DACH1: variants seen among roughly 807,000 people sequenced by gnomAD.
DACH1 encodes the protein dachshund homolog 1.
Under a neutral mutation model 54.2 loss-of-function variants are expected in DACH1, and 12 were observed. That is an observed-to-expected ratio of 0.22 (90% CI 0.14 to 0.36). The LOEUF (loss-of-function observed/expected upper bound fraction) is 0.36, where lower values mean the gene tolerates loss of function less well. DACH1 is among the 10% of genes least tolerant of loss of function. DACH1 has a pLI of 1.00. For missense variants in DACH1, 805 were observed against 929.8 expected (o/e 0.87, Z 1.75); for synonymous variants, 386 against 366.2 (o/e 1.05, Z -0.62).
intron 3 of DACH1, among the ~76,000 whole-genome samples, chr13:71,601,533 ATACAT>A (rs1874495375): frequency 6.6e-6 from 1 of 152,044 alleles, no homozygotes; most frequent in Non-Finnish European, 1.5e-5. Context: ...GTGAAGTAGA[ATACAT>A]TTCTGTATTC....
At chr13:71,802,403 T>C (rs1280994555) in intron 1 of DACH1, among the ~76,000 whole-genome samples, 1 of 152,074 alleles carries the variant, frequency 6.6e-6, no homozygotes, top group Non-Finnish European at 1.5e-5. Context: ...TTTGAATCAT[T>C]ATTAATTTAT....
intron 2 of DACH1, among the ~76,000 whole-genome samples, chr13:71,677,724 T>C (rs1272434886): frequency 3.9e-5 from 6 of 152,058 alleles, no homozygotes; most frequent in African/African-American, 1.4e-4. Context: ...TGGTTTTTTG[T>C]TTTGTTTTGT....
At chr13:71,581,496 C>A (rs1039817010) in intron 3 of DACH1, among the ~76,000 whole-genome samples, 8 of 152,176 alleles carry the variant, frequency 5.3e-5, no homozygotes, top group African/African-American at 1.9e-4. Context: ...ACCTCGTGAT[C>A]TGCCGCCTCG....
At chr13:71,807,846 T>C (rs1255640426) in intron 1 of DACH1, among the ~76,000 whole-genome samples, 2 of 152,210 alleles carry the variant, frequency 1.3e-5, no homozygotes, top group African/African-American at 2.4e-5. Flanking sequence ...AAATTTTCTA[T>C]GTCCAATTGA....
chr13:71,471,660 G>A (rs1373318218), intron 10 of DACH1, among the ~76,000 whole-genome samples: 1 of 151,822 alleles, frequency 6.6e-6, no homozygotes, highest in South Asian at 2.1e-4. Context: ...GCTGAGGCAG[G>A]AGAATCGCTT....
intron 3 of DACH1, among the ~76,000 whole-genome samples, chr13:71,604,136 A>G (rs1172566120): frequency 1.3e-5 from 2 of 151,982 alleles, no homozygotes; most frequent in Admixed American, 1.3e-4. Flanking sequence ...GAATAATAAA[A>G]TGCAATATAA....
chr13:71,602,473 T>C (rs1176481865), intron 3 of DACH1, among the ~76,000 whole-genome samples: 1 of 152,004 alleles, frequency 6.6e-6, no homozygotes, highest in Non-Finnish European at 1.5e-5. Flanking sequence ...TTGCCTTCTG[T>C]TTCTCTAATC....
chr13:71,545,709 C>A (rs1883423700), intron 6 of DACH1, among the ~76,000 whole-genome samples: 1 of 151,956 alleles, frequency 6.6e-6, no homozygotes, highest in Non-Finnish European at 1.5e-5. Context: ...CAAAATAATT[C>A]ATTTGTGCTG....
chr13:71,514,090 TAA>T (rs1880982571), intron 6 of DACH1, among the ~76,000 whole-genome samples: 2 of 152,056 alleles, frequency 1.3e-5, no homozygotes, highest in African/African-American at 4.8e-5. Flanking sequence ...ATATTAAAAA[TAA>T]AAAGTCCATT....
chr13:71,808,623 G>A (rs1420618848), intron 1 of DACH1, among the ~76,000 whole-genome samples: 1 of 152,086 alleles, frequency 6.6e-6, no homozygotes, highest in East Asian at 1.9e-4. Context: ...AGGTCATTTG[G>A]TCATTGATTT....
At chr13:71,496,316 A>C (rs1186101356) in intron 6 of DACH1, among the ~76,000 whole-genome samples, 190 of 117,336 alleles carry the variant, frequency 1.6e-3, no homozygotes, top group African/African-American at 5.2e-3. Flanking sequence ...TACACACACA[A>C]AAAGATATGC....
At chr13:71,629,420 G>A (rs1876913222) in intron 3 of DACH1, among the ~76,000 whole-genome samples, 1 of 152,020 alleles carries the variant, frequency 6.6e-6, no homozygotes, top group Admixed American at 6.6e-5. Context: ...CTGAAAAGAT[G>A]CATTTTTCCC....
At chr13:71,645,702 T>C (rs1878216661) in intron 2 of DACH1, among the ~76,000 whole-genome samples, 1 of 152,196 alleles carries the variant, frequency 6.6e-6, no homozygotes, top group African/African-American at 2.4e-5. Context: ...AATTGTAACA[T>C]TGTGAAACTA....
At chr13:71,445,108 T>C (rs1407654114) in intron 10 of DACH1, among the ~76,000 whole-genome samples, 2 of 152,138 alleles carry the variant, frequency 1.3e-5, no homozygotes, top group Non-Finnish European at 2.9e-5. Context: ...GCTGCCTCTT[T>C]CTGCCAGTAT....
chr13:71,751,108 G>A (rs1293104823), intron 1 of DACH1, among the ~76,000 whole-genome samples: 2 of 152,158 alleles, frequency 1.3e-5, no homozygotes, highest in South Asian at 2.1e-4. Context: ...TATGGAAGGA[G>A]GTTACAAATC....
chr13:71,486,722 T>C (rs1359598316), intron 7 of DACH1, among the ~76,000 whole-genome samples: 1 of 152,178 alleles, frequency 6.6e-6, no homozygotes, highest in Admixed American at 6.5e-5. Context: ...TAGACATACA[T>C]ATAAATATAT....
chr13:71,794,458 A>C (rs1436192404), intron 1 of DACH1, among the ~76,000 whole-genome samples: 1 of 152,156 alleles, frequency 6.6e-6, no homozygotes, highest in African/African-American at 2.4e-5. Flanking sequence ...TTATTTATTG[A>C]GATGGAGTCT....
At chr13:71,728,883 A>G (rs1883604540) in intron 1 of DACH1, among the ~76,000 whole-genome samples, 1 of 152,042 alleles carries the variant, frequency 6.6e-6, no homozygotes, top group Admixed American at 6.5e-5. Flanking sequence ...TTTCTTCAAT[A>G]CAAACCACCT....
intron 10 of DACH1, chr13:71,464,727 C>A: frequency 2.2e-6 from 1 of 454,696 alleles, no homozygotes; most frequent in African/African-American, 2.0e-5. Flanking sequence ...GATGTATAAT[C>A]TTGCAGCTAA....
Sources: gnomAD v4.1 joint callset for allele counts (sites outside exome capture counted in the v4.1 genomes callset) on GRCh38, gnomAD v4.1.1 for gene constraint, MANE v1.5 for transcripts, NCBI Gene and HGNC (gene_info 2026-07-23, HGNC 2026-07-21) for gene names.